Variants in ZDHHC6 observed in about 807,000 individuals in gnomAD.
The protein encoded by ZDHHC6 is palmitoyltransferase ZDHHC6.
A neutral mutation model predicts 57.8 loss-of-function variants in ZDHHC6; 32 were observed. That is an observed-to-expected ratio of 0.55 (90% CI 0.42 to 0.74). The LOEUF (loss-of-function observed/expected upper bound fraction) is 0.74. ZDHHC6 is among the 30% of genes least tolerant of loss of function. ZDHHC6 has a pLI of 0.00. For synonymous variants in ZDHHC6, 128 were observed against 158.0 expected (o/e 0.81, Z 1.42); for missense variants, 433 against 500.7 (o/e 0.86, Z 1.29).
chr10:112,436,770 A>T (rs905570726), intron 6 of ZDHHC6, among the ~76,000 whole-genome samples: 2 of 152,242 alleles, frequency 1.3e-5, no homozygotes, highest in Non-Finnish European at 2.9e-5. Context: ...ATTCCATGTA[A>T]GAATGTCCTT....
chr10:112,431,029 GCTAT>G (rs1361116815), intron 10 of ZDHHC6, 122 bp from the exon 11 acceptor site: 5 of 763,512 alleles, frequency 6.5e-6, no homozygotes, highest in Middle Eastern at 2.4e-4. Flanking sequence ...TCCCCACTTT[GCTAT>G]CTATTATAAG....
In ZDHHC6 at chr10:112,440,753, T is replaced by C. The variant is rs1222894445; in HGVS notation, c.520-58A>G. The stretch of plus-strand genomic sequence containing the variant: ...GTTTGGTTATGGTAACTGGTCAGAC[T>C]CTACTGTGACACGTAAAACAACTTG... On this transcript the variant is annotated intron_variant, in intron 4 of 10. Coordinates refer to ENST00000369405, the MANE Select transcript of ZDHHC6 (RefSeq NM_022494.3). 14 of 1,512,280 alleles carry C rather than the reference T, an allele frequency of 9.3e-6. No individual in the cohort carries two copies. The East Asian group carries it at 3.1e-4, about 33-fold the overall frequency. 93.7% of individuals were successfully genotyped at this position (1,512,280 alleles called of 1,614,324 possible).
chr10:112,436,132 A>T (rs985926672), intron 6 of ZDHHC6, among the ~76,000 whole-genome samples: 3 of 152,240 alleles, frequency 2.0e-5, no homozygotes, highest in African/African-American at 4.8e-5. Context: ...TTTAGTATCA[A>T]GTGTGAGACA....
In ZDHHC6 at chr10:112,440,836, A is replaced by G. The variant is rs1203416748; in HGVS notation, c.520-141T>C. ...ACGCAAACACAGCTATTTTTATTTT[A>G]TTTTATTTATTTATTATTTATTTAT... On this transcript the variant is annotated intron_variant, in intron 4 of 10. Transcript: ENST00000369405. 4 of 548,408 alleles carry G rather than the reference A, an allele frequency of 7.3e-6. No homozygotes were observed. The East Asian group carries it at 1.2e-4, about 17-fold the overall frequency. 34.0% of individuals were successfully genotyped at this position (548,408 alleles called of 1,614,324 possible). A position where few individuals can be genotyped will look rare whatever the true frequency, so the allele number is the denominator to read the frequency against.
chr10:112,431,582 G>A (rs1214930587), intron 10 of ZDHHC6, among the ~76,000 whole-genome samples: 2 of 152,008 alleles, frequency 1.3e-5, no homozygotes, highest in African/African-American at 4.8e-5. Context: ...CCAAAGTCCT[G>A]GGATTACAGG....
At chr10:112,444,365 CTAACTT>C (rs1378662813) in intron 2 of ZDHHC6, among the ~76,000 whole-genome samples, 1 of 152,242 alleles carries the variant, frequency 6.6e-6, no homozygotes, top group Non-Finnish European at 1.5e-5. Flanking sequence ...CTCAATTCTT[CTAACTT>C]TAACAGCACC....
chr10:112,437,046 C>T (rs1002653178), intron 6 of ZDHHC6, among the ~76,000 whole-genome samples: 7 of 151,956 alleles, frequency 4.6e-5, no homozygotes, highest in Admixed American at 2.0e-4. Flanking sequence ...TGAACATTTT[C>T]TCAAAAACGA....
upstream of ZDHHC6, chr10:112,447,366 G>T (rs769226433): frequency 6.2e-7 from 1 of 1,612,502 alleles, no homozygotes; most frequent in Admixed American, 1.7e-5. Flanking sequence ...ACTCGTTCCG[G>T]AGCCGCCATG....
At chr10:112,433,912 G>A (rs1442259746) in intron 7 of ZDHHC6, among the ~76,000 whole-genome samples, 1 of 152,152 alleles carries the variant, frequency 6.6e-6, no homozygotes, top group Non-Finnish European at 1.5e-5. Flanking sequence ...AGACTTTATG[G>A]AAGAGGTAAG....
chr10:112,427,130 C>T, downstream of ZDHHC6: 3 of 1,376,154 alleles, frequency 2.2e-6, no homozygotes, highest in Non-Finnish European at 3.0e-6. Flanking sequence ...ACTGCATCAA[C>T]CTCACTTTCT....
At chr10:112,440,722 CA>C (rs1846026054) in intron 4 of ZDHHC6, 27 bp from the exon 5 acceptor site, 1 of 1,593,296 alleles carries the variant, frequency 6.3e-7, no homozygotes, top group East Asian at 2.2e-5. Flanking sequence ...AGCACACGCA[CA>C]AAATGTTTGG....
intron 5 of ZDHHC6, among the ~76,000 whole-genome samples, chr10:112,440,097 T>C (rs1845964506): frequency 7.9e-6 from 1 of 126,172 alleles, no homozygotes; most frequent in African/African-American, 2.5e-5. Context: ...TGAGAATCAA[T>C]GAATTAATCA....
Position 112,430,675 on chromosome 10 carries a change from A to T in ZDHHC6, c.*129T>A. The T allele has an allele frequency of 1.5e-6, 1 of 652,216 alleles. No individual in the cohort carries two copies. Among genetic ancestry groups the T allele is most frequent in the East Asian group, 3.1e-5 (1 of 32,024 alleles). 40.4% of individuals were successfully genotyped at this position (652,216 alleles called of 1,614,324 possible). A position where few individuals can be genotyped will look rare whatever the true frequency, so the allele number is the denominator to read the frequency against. ...AAATGGTAATAAAAATATTTAAATC[A>T]TGGCACTAGGGCACCTTTGAGGAAA... On this transcript the variant is annotated 3_prime_UTR_variant, in exon 11 of 11. Coordinates refer to ENST00000369405, the MANE Select transcript of ZDHHC6 (RefSeq NM_022494.3).
chr10:112,439,669 A>AAAAAAAAAAAAAAAAAAAAAAAAAAAAT (rs757796332), intron 5 of ZDHHC6, among the ~76,000 whole-genome samples: 1 of 108,562 alleles, frequency 9.2e-6, no homozygotes. Context: ...AAAAAAAAAA[A>AAAAAAAAAAAAAAAAAAAAAAAAAAAAT]GAATGAAAAA....
At position 112,443,556 on chromosome 10, in the gene ZDHHC6, T is replaced by C. The variant is rs1199171171; in HGVS notation, c.318A>G (p.Ala106=). Residue 106 remains alanine (A), a synonymous_variant, in exon 3 of 11, where the codon GCA becomes GCG. Coordinates refer to ENST00000369405, the MANE Select transcript of ZDHHC6 (RefSeq NM_022494.3). ...MYLQYCKVCQ[A]YKAPRSHHCR... is the part of the protein sequence containing the mutation. ...AGTGATGTGAACGTGGTGCCTTGTA[T>C]GCTTGGCAGACTTTACAATACTGGA... is the stretch of plus-strand genomic sequence containing the variant. 5 of 1,613,880 alleles carry C rather than the reference T, an allele frequency of 3.1e-6. No individual in the cohort carries two copies. In the African/African-American group the frequency reaches 5.3e-5, roughly 17 times the overall value.
At chr10:112,434,493 G>C (rs1424084257) in intron 6 of ZDHHC6, 29 bp from the exon 7 acceptor site, 1 of 1,594,496 alleles carries the variant, frequency 6.3e-7, no homozygotes, top group African/African-American at 1.3e-5. Flanking sequence ...TAAGATGGCA[G>C]GTGCCTCTGT....
In ZDHHC6 at chr10:112,438,393, G is replaced by T; in HGVS notation, c.682-4C>A. 1.5e-6 allele frequency: 2 copies of T among 1,378,374 alleles called. No homozygotes were observed. The highest frequency in any genetic ancestry group is 3.7e-4 in the Middle Eastern group (2 of 5,452). The allele number at this position is 1,378,374 out of a possible 1,614,324, so 85.4% of individuals were successfully genotyped here. ...TGTTTCTGAGAATTATTTTCATCTG[G>T]AAATTAAATGATAGTAAAATTTAAT... On this transcript the variant is annotated splice_region_variant and splice_polypyrimidine_tract_variant and intron_variant, in intron 5 of 10. Coordinates refer to ENST00000369405, the MANE Select transcript of ZDHHC6 (RefSeq NM_022494.3).
exon 12 of ZDHHC6, chr10:112,424,569 C>T (rs1258170171): frequency 1.3e-5 from 2 of 152,208 alleles, no homozygotes; most frequent in African/African-American, 4.8e-5. Flanking sequence ...TTATAGAAGG[C>T]TGCACCTTAT....
At chr10:112,446,663 G>A (rs1846784925) in intron 1 of ZDHHC6, 42 bp downstream of exon 1, 2 of 153,044 alleles carry the variant, frequency 1.3e-5, no homozygotes, top group African/African-American at 4.8e-5. Context: ...GTGGGACAAA[G>A]ACCACCAAAA....
Sources: gnomAD v4.1 joint callset for allele counts (sites outside exome capture counted in the v4.1 genomes callset) on GRCh38, gnomAD v4.1.1 for gene constraint, MANE v1.5 for transcripts, NCBI Gene and HGNC (gene_info 2026-07-23, HGNC 2026-07-21) for gene names.